Variants in EBF4 observed in about 807,000 individuals in gnomAD.
EBF4 encodes EBF transcription factor 4.
A neutral mutation model predicts 67.1 loss-of-function variants in EBF4; 34 were observed. That is an observed-to-expected ratio of 0.51 (90% CI 0.39 to 0.67). The LOEUF is 0.67. Ranked by LOEUF, EBF4 falls within the 30% of genes least tolerant of loss-of-function variation. EBF4 has a pLI of 0.00. For synonymous variants in EBF4, 387 were observed against 377.7 expected (o/e 1.02, Z -0.29); for missense variants, 837 against 873.3 (o/e 0.96, Z 0.52).
rs1042528070 is a variant in EBF4, at chr20:2,707,711, TACAG to T, written c.415-226_415-223del. ...AGAGCCAGCTCTGGAAAGAGCCACC[TACAG>T]ACAGACAGAATCTGCAGACTTCATA... On this transcript the variant is annotated intron_variant, in intron 4 of 16. Coordinates refer to ENST00000609451, the Ensembl canonical transcript of EBF4. The surrounding 1 kb of genome is among the most constrained non-coding windows in gnomAD (Gnocchi z 4.6). Among the ~76,000 whole-genome samples, 2 of 152,120 alleles carry T rather than the reference TACAG, an allele frequency of 1.3e-5. No homozygotes were observed. Among genetic ancestry groups the T allele is most frequent in the African/African-American group, 2.4e-5 (1 of 41,444 alleles).
At chr20:2,727,517 G>C (rs1178492709) in intron 6 of EBF4, among the ~76,000 whole-genome samples, 1 of 152,118 alleles carries the variant, frequency 6.6e-6, no homozygotes, top group Non-Finnish European at 1.5e-5. Context: ...ATCTGCATTT[G>C]GTTAAAATAA....
chr20:2,710,284 GA>G (rs1204730016), intron 6 of EBF4, among the ~76,000 whole-genome samples: 1 of 152,032 alleles, frequency 6.6e-6, no homozygotes, highest in Non-Finnish European at 1.5e-5. Context: ...AGGTAATTGG[GA>G]CTACAAGGAC....
In EBF4 at chr20:2,755,700, G is replaced by A; in HGVS notation, c.1614G>A (p.Val538=). The change falls in exon 15 of 17, where the codon GTG becomes GTA. Residue 538 remains valine, a synonymous_variant. Coordinates refer to ENST00000609451, the Ensembl canonical transcript of EBF4. The surrounding 1 kb of genome is among the most constrained non-coding windows in gnomAD (Gnocchi z 4.7). ...CGGCCGCTGCCCCCACCACCAGCGT[G>A]TTCTCCTTCTCGCCTGTCAACATGA... 4 of 1,550,706 alleles carry A rather than the reference G, an allele frequency of 2.6e-6. No individual in the cohort carries two copies. Among genetic ancestry groups the A allele is most frequent in the East Asian group, 2.4e-5 (1 of 40,856 alleles).
At chr20:2,715,575 T>A (rs1313666197) in intron 6 of EBF4, among the ~76,000 whole-genome samples, 1 of 152,148 alleles carries the variant, frequency 6.6e-6, no homozygotes, top group African/African-American at 2.4e-5. Context: ...TAAGTAACAC[T>A]CCCACCCACA....
intron 6 of EBF4, among the ~76,000 whole-genome samples, chr20:2,712,958 A>C (rs2087562899): frequency 6.6e-6 from 1 of 152,190 alleles, no homozygotes; most frequent in Admixed American, 6.5e-5. Context: ...GAGTCATTTC[A>C]GTGGAGTTGA....
chr20:2,709,536 T>G, intron 5 of EBF4, 38 bp from the exon 6 acceptor site: 1 of 1,531,010 alleles, frequency 6.5e-7, no homozygotes, highest in Admixed American at 2.0e-5. Context: ...CCTCCTTCCT[T>G]GGCTTCTGCC....
chr20:2,710,694 ACTGTCTCCCACCT>A (rs1342493651), intron 6 of EBF4, among the ~76,000 whole-genome samples: 6 of 152,126 alleles, frequency 3.9e-5, no homozygotes, highest in Non-Finnish European at 8.8e-5. Flanking sequence ...TTTACAGCAA[ACTGTCTCCCACCT>A]CTGTCTCCCA....
At chr20:2,752,205 C>A (rs1226547582) in exon 13 of EBF4, 7 of 1,413,878 alleles carry the variant, frequency 5.0e-6, no homozygotes, top group Non-Finnish European at 6.5e-6. Context: ...TGGGCATCAA[C>A]GCCTTCAGCA....
At chr20:2,746,392 G>A (rs1056219515) in intron 6 of EBF4, among the ~76,000 whole-genome samples, 1 of 152,124 alleles carries the variant, frequency 6.6e-6, no homozygotes, top group African/African-American at 2.4e-5. Context: ...CACTGTAGGG[G>A]TGCACCATTT....
At position 2,748,102 on chromosome 20, in the gene EBF4, C is replaced by T. The variant is rs565280844; in HGVS notation, c.558-447C>T. ...TATGGGTGATGAGCATATACTGTGA[C>T]GTATACACAGTGTGTGATAACATTA... On this transcript the variant is annotated intron_variant, in intron 6 of 16. Coordinates refer to ENST00000609451, the Ensembl canonical transcript of EBF4. Among the ~76,000 whole-genome samples the T allele has an allele frequency of 5.3e-5, 8 of 152,126 alleles. No homozygotes were observed. In the South Asian group the frequency reaches 8.3e-4, roughly 16 times the overall value.
At chr20:2,728,549 G>A (rs1244174107) in intron 6 of EBF4, among the ~76,000 whole-genome samples, 6 of 152,202 alleles carry the variant, frequency 3.9e-5, no homozygotes, top group Admixed American at 6.5e-5. Flanking sequence ...GGGACAAGGT[G>A]TTCCTAGGTG....
At chr20:2,743,249 C>T (rs1003419682) in intron 6 of EBF4, among the ~76,000 whole-genome samples, 4 of 152,200 alleles carry the variant, frequency 2.6e-5, no homozygotes, top group Non-Finnish European at 5.9e-5. Flanking sequence ...CCAGCCTCTG[C>T]GGTGTGTCTG....
chr20:2,729,807 C>T (rs1282004489), intron 6 of EBF4, among the ~76,000 whole-genome samples: 1 of 152,172 alleles, frequency 6.6e-6, no homozygotes, highest in African/African-American at 2.4e-5. Context: ...GAGATTGTTA[C>T]CCTCTAGAAG....
At chr20:2,731,543 G>A (rs75987877) in intron 6 of EBF4, among the ~76,000 whole-genome samples, 9,882 of 152,236 alleles carry the variant, frequency 0.065, 849 homozygotes, top group African/African-American at 0.19. Context: ...GAAAGATAGC[G>A]TCTAAATGGG....
chr20:2,749,981 GT>G lies in EBF4; in HGVS notation c.1018+9del. 1 of 1,547,050 alleles carries G rather than the reference GT, an allele frequency of 6.5e-7. No homozygotes were observed. The highest frequency in any genetic ancestry group is 8.7e-7 in the Non-Finnish European group (1 of 1,144,592). ...GCCGCTTTGTCTACACAGGTAAGGA[GT>G]CGGGCGGGGGAGTGGAGGTCTAAGG... On this transcript the variant is annotated intron_variant, in intron 10 of 16. Coordinates refer to ENST00000609451, the Ensembl canonical transcript of EBF4.
At chr20:2,715,374 C>T (rs982736841) in intron 6 of EBF4, among the ~76,000 whole-genome samples, 20 of 152,276 alleles carry the variant, frequency 1.3e-4, no homozygotes, top group African/African-American at 4.8e-4. Flanking sequence ...TTGTATTTAG[C>T]TGTAGTTTGT....
At chr20:2,709,035 A>T (rs755282879) in intron 5 of EBF4, among the ~76,000 whole-genome samples, 9 of 152,028 alleles carry the variant, frequency 5.9e-5, no homozygotes, top group Non-Finnish European at 1.2e-4. Context: ...AAATTACAAA[A>T]ATTAGCCAGG....
In EBF4 at chr20:2,755,673, C is replaced by G. The variant is rs1004802803; in HGVS notation, c.1587C>G (p.Leu529=). 1.9e-6 allele frequency: 3 copies of G among 1,549,498 alleles called. No homozygotes were observed. The highest frequency in any genetic ancestry group is 2.7e-5 in the African/African-American group (2 of 72,888). The stretch of plus-strand genomic sequence containing the variant: ...TGGCGGCTGCCTCCTCCATGTCCCT[C>G]CCGGCCGCTGCCCCCACCACCAGCG... Residue 529 remains leucine (L), a synonymous_variant, in exon 15 of 17, where the codon CTC becomes CTG. Transcript: ENST00000609451. This position sits in a 1 kb window ranked among gnomAD's most constrained non-coding sequence, Gnocchi z 4.7.
intron 7 of EBF4, among the ~76,000 whole-genome samples, chr20:2,749,047 A>G (rs2088096716): frequency 6.6e-6 from 1 of 152,134 alleles, no homozygotes; most frequent in Non-Finnish European, 1.5e-5. Flanking sequence ...TCTCCGGCTG[A>G]TGCTGCCCAC....
Sources: gnomAD v4.1 joint callset for allele counts (sites outside exome capture counted in the v4.1 genomes callset) on GRCh38, gnomAD v4.1.1 for gene constraint, Gnocchi (gnomAD v3.1) non-coding constraint, MANE v1.5 for transcripts, NCBI Gene and HGNC (gene_info 2026-07-23, HGNC 2026-07-21) for gene names.